Variants in PLCG2 observed in about 807,000 individuals in gnomAD.
PLCG2 encodes the protein phospholipase C gamma 2, also known as 1-phosphatidylinositol 4,5-bisphosphate phosphodiesterase gamma-2.
A neutral mutation model predicts 175.6 loss-of-function variants in PLCG2; 69 were observed. The ratio of observed to expected loss-of-function variants is 0.39; its 90% CI spans 0.32 to 0.48. PLCG2 has a LOEUF of 0.48. PLCG2 is among the 20% of genes least tolerant of loss of function. The pLI, the probability that PLCG2 is intolerant of heterozygous loss-of-function variation, is 0.91. For missense variants in PLCG2, 1,798 were observed against 1,650.9 expected (o/e 1.09, Z -1.54); for synonymous variants, 827 against 624.0 (o/e 1.33, Z -4.85).
At chr16:81,881,916 T>C (rs147330136) in intron 8 of PLCG2, among the ~76,000 whole-genome samples, 3,968 of 152,228 alleles carry the variant, frequency 0.026, 72 homozygotes, top group Non-Finnish European at 0.037. Flanking sequence ...CCTCCCGAAG[T>C]GCTGGGATTA....
chr16:81,923,356 T>C lies in PLCG2; in HGVS notation c.2308-129T>C, dbSNP rs1910133981. On this transcript the variant is annotated intron_variant, in intron 21 of 32. Coordinates refer to ENST00000564138, the MANE Select transcript of PLCG2 (RefSeq NM_002661.5). ...GCAATGCCAGTCCCTCTCCAGCAGATGACTTTGTAACCTTGGCCTGAAGCC... is the reference window on the plus strand; with the variant it reads ...GCAATGCCAGTCCCTCTCCAGCAGACGACTTTGTAACCTTGGCCTGAAGCC... 1.5e-5 allele frequency: 9 copies of C among 602,030 alleles called. No individual in the cohort carries two copies. In the East Asian group the frequency reaches 2.5e-4, roughly 17 times the overall value. 37.3% of individuals were successfully genotyped at this position (602,030 alleles called of 1,614,324 possible).
At chr16:81,912,245 T>C (rs1267239133) in intron 18 of PLCG2, among the ~76,000 whole-genome samples, 1 of 152,116 alleles carries the variant, frequency 6.6e-6, no homozygotes, top group African/African-American at 2.4e-5. Flanking sequence ...TTTTATTTTT[T>C]ATAGAGATGG....
At chr16:81,799,624 A>G (rs1911631962) in intron 2 of PLCG2, among the ~76,000 whole-genome samples, 2 of 141,126 alleles carry the variant, frequency 1.4e-5, no homozygotes, top group Admixed American at 7.3e-5. Context: ...TTTGAGACAG[A>G]GTCTCGCTCT....
chr16:81,803,324 G>A (rs1911827405), intron 2 of PLCG2, among the ~76,000 whole-genome samples: 1 of 151,874 alleles, frequency 6.6e-6, no homozygotes, highest in Non-Finnish European at 1.5e-5. Flanking sequence ...GTTTTGCTGT[G>A]TTAGCCAGGA....
chr16:81,956,605 C>T, intron 31 of PLCG2, 90 bp from the exon 32 acceptor site: 2 of 1,184,434 alleles, frequency 1.7e-6, no homozygotes, highest in South Asian at 3.1e-5. Flanking sequence ...CCCCATGCTC[C>T]CTTTGGGCAT....
rs560618481 is a variant in PLCG2, at chr16:81,874,736, C to G, written c.648+3801C>G. Among the ~76,000 whole-genome samples the G allele has an allele frequency of 8.5e-5, 13 of 152,276 alleles. No homozygotes were observed. In the South Asian group the frequency reaches 2.7e-3, roughly 32 times the overall value. On this transcript the variant is annotated intron_variant, in intron 7 of 32. Coordinates refer to ENST00000564138, the MANE Select transcript of PLCG2 (RefSeq NM_002661.5). ...TTCCATCGTGAGCTTGCTAGTTCCT[C>G]TTTGTGTCTAACCACCTGCCTACGT...
At chr16:81,929,886 A>G (rs916424400) in intron 24 of PLCG2, among the ~76,000 whole-genome samples, 2 of 152,226 alleles carry the variant, frequency 1.3e-5, no homozygotes, top group African/African-American at 4.8e-5. Context: ...TCTTTGTATC[A>G]TCTTCCCCCA....
chr16:81,893,712 C>A lies in PLCG2; in HGVS notation c.990C>A (p.Tyr330Ter), dbSNP rs1420881956. Residue 330 changes from tyrosine to a stop codon, truncating the protein, a stop_gained, in exon 12 of 33, where the codon TAC (tyrosine) becomes TAA (stop). Transcript: ENST00000564138. LOFTEE classifies it high-confidence loss of function. ...CCACCTGCCTTCTCTCCTGCAGGTA[C>A]CTTACAGGTGACCAGCTGCGGAGCG... ...HYWISSSHNT[Y>*]LTGDQLRSES... 1 of 1,607,876 alleles carries A rather than the reference C, an allele frequency of 6.2e-7. No homozygotes were observed. Among genetic ancestry groups the A allele is most frequent in the South Asian group, 1.1e-5 (1 of 90,960 alleles).
intron 31 of PLCG2, 94 bp from the exon 32 acceptor site, chr16:81,956,601 G>A: frequency 9.0e-7 from 1 of 1,109,472 alleles, no homozygotes. Flanking sequence ...TCTGCCCCAT[G>A]CTCCCTTTGG....
intron 15 of PLCG2, 110 bp from the exon 16 acceptor site, chr16:81,907,575 G>T: frequency 1.6e-6 from 1 of 612,052 alleles, no homozygotes; most frequent in Non-Finnish European, 2.9e-6. Context: ...ATGAAACTGG[G>T]AAAAGCACAT....
intron 30 of PLCG2, among the ~76,000 whole-genome samples, chr16:81,941,532 C>G (rs1773897294): frequency 6.6e-6 from 1 of 151,346 alleles, no homozygotes; most frequent in African/African-American, 2.4e-5. Flanking sequence ...CTAGATGAAA[C>G]AAGACTTTGG....
chr16:81,843,780 G>C (rs1221400167), intron 2 of PLCG2, among the ~76,000 whole-genome samples: 1 of 152,222 alleles, frequency 6.6e-6, no homozygotes, highest in Non-Finnish European at 1.5e-5. Context: ...ACCCTGGTTG[G>C]TAGTTTGCTT....
chr16:81,771,984 T>C (rs1434126487), intron 2 of PLCG2, among the ~76,000 whole-genome samples: 2 of 152,152 alleles, frequency 1.3e-5, no homozygotes, highest in African/African-American at 2.4e-5. Context: ...GGTTTCACCA[T>C]GTTGGCCAGG....
chr16:81,838,673 C>T (rs186681306), intron 2 of PLCG2, among the ~76,000 whole-genome samples: 29 of 151,754 alleles, frequency 1.9e-4, no homozygotes, highest in Admixed American at 1.1e-3. Context: ...GGTTTAAAAC[C>T]TAGATGATGG....
At chr16:81,874,792 G>A (rs920707270) in intron 7 of PLCG2, among the ~76,000 whole-genome samples, 1 of 152,116 alleles carries the variant, frequency 6.6e-6, no homozygotes, top group Admixed American at 6.6e-5. Flanking sequence ...GTTTCCAAAA[G>A]TTTGGCAGCA....
chr16:81,820,649 C>T (rs1032970786), intron 2 of PLCG2, among the ~76,000 whole-genome samples: 1 of 151,092 alleles, frequency 6.6e-6, no homozygotes, highest in Non-Finnish European at 1.5e-5. Context: ...GAGACAGAGT[C>T]TCACTCTATT....
chr16:81,819,030 T>G (rs1904678488), intron 2 of PLCG2, among the ~76,000 whole-genome samples: 1 of 152,006 alleles, frequency 6.6e-6, no homozygotes, highest in African/African-American at 2.4e-5. Flanking sequence ...GTGTAACTCC[T>G]TCAATTTGCA....
intron 19 of PLCG2, 142 bp downstream of exon 19, chr16:81,912,858 C>A: frequency 1.9e-6 from 2 of 1,068,656 alleles, no homozygotes; most frequent in South Asian, 1.7e-5. Context: ...ACCACCACAG[C>A]AAAAGCCGCT....
At chr16:81,860,985 A>G (rs547860565) in intron 5 of PLCG2, among the ~76,000 whole-genome samples, 86 of 152,246 alleles carry the variant, frequency 5.6e-4, no homozygotes, top group African/African-American at 1.9e-3. Flanking sequence ...TCAAAAAAGC[A>G]AAACAAAACC....
Sources: gnomAD v4.1 joint callset for allele counts (sites outside exome capture counted in the v4.1 genomes callset) on GRCh38, gnomAD v4.1.1 for gene constraint, MANE v1.5 for transcripts, NCBI Gene and HGNC (gene_info 2026-07-23, HGNC 2026-07-21) for gene names.